Variants in PPP4R3B observed in about 807,000 individuals in gnomAD.
PPP4R3B encodes serine/threonine-protein phosphatase 4 regulatory subunit 3B.
PPP4R3B carries 52 observed loss-of-function variants against 95.4 expected under a neutral mutation model. The ratio of observed to expected loss-of-function variants is 0.54; its 90% confidence interval spans 0.44 to 0.69. PPP4R3B has a LOEUF of 0.69. Ranked by LOEUF, PPP4R3B falls within the 30% of genes least tolerant of loss-of-function variation. The pLI, the probability that PPP4R3B is intolerant of heterozygous loss-of-function variation, is 0.00. For synonymous variants in PPP4R3B, 407 were observed against 343.9 expected (o/e 1.18, Z -2.03); for missense variants, 1,003 against 1,005.9 (o/e 1.00, Z 0.04).
At chr2:55,597,565 T>C (rs948040232) in intron 4 of PPP4R3B, among the ~76,000 whole-genome samples, 2 of 151,960 alleles carry the variant, frequency 1.3e-5, no homozygotes, top group Non-Finnish European at 2.9e-5. Flanking sequence ...GAGCTTGCAG[T>C]GAGCCAAGAT....
intron 2 of PPP4R3B, chr2:55,614,514 T>C (rs2103920896): frequency 6.6e-6 from 1 of 152,294 alleles, no homozygotes; most frequent in South Asian, 2.1e-4. Context: ...TGACATCCAC[T>C]GTGTAAAGTT....
At chr2:55,550,165 C>T (rs1052752215) in intron 16 of PPP4R3B, among the ~76,000 whole-genome samples, 159 bp from the exon 17 acceptor site, 4 of 152,154 alleles carry the variant, frequency 2.6e-5, no homozygotes, top group Non-Finnish European at 5.9e-5. Context: ...AAATTATGAA[C>T]GTTTGAGTAG....
At chr2:55,554,064 C>A (rs984476587) in intron 16 of PPP4R3B, among the ~76,000 whole-genome samples, 4 of 152,084 alleles carry the variant, frequency 2.6e-5, no homozygotes, top group Admixed American at 2.0e-4. Flanking sequence ...GCTGCTACAC[C>A]ATTTTATTTT....
intron 11 of PPP4R3B, 71 bp from the exon 12 acceptor site, chr2:55,573,848 T>C (rs2104084221): frequency 3.8e-6 from 3 of 786,778 alleles, no homozygotes; most frequent in Non-Finnish European, 5.6e-6. Flanking sequence ...AAAGCTTACA[T>C]CCTATATGTT....
At position 55,588,906 on chromosome 2, in the gene PPP4R3B, A is replaced by G; in HGVS notation, c.972T>C (p.Ala324=). The G allele has an allele frequency of 6.2e-7, 1 of 1,610,918 alleles. No homozygotes were observed. The highest frequency in any genetic ancestry group is 2.2e-5 in the East Asian group (1 of 44,762). ...SEVFAQLTDE[A]TDDDKRRELV... ...ATTCACGCCGTTTATCATCATCTGTAGCCTCATCTGTTAATTGTGCAAAAA... is the reference window on the plus strand; with the variant it reads ...ATTCACGCCGTTTATCATCATCTGTGGCCTCATCTGTTAATTGTGCAAAAA... The change falls in exon 5 of 17, where the codon GCT becomes GCC. Residue 324 remains alanine, a synonymous_variant. Coordinates refer to ENST00000616407, the MANE Select transcript of PPP4R3B (RefSeq NM_001122964.3).
chr2:55,573,525 C>A, intron 12 of PPP4R3B, 94 bp downstream of exon 12: 3 of 1,139,830 alleles, frequency 2.6e-6, no homozygotes, highest in Non-Finnish European at 3.7e-6. Context: ...TCATCTCATT[C>A]ATAGAATATA....
At chr2:55,599,110 A>C (rs1692206986) in intron 3 of PPP4R3B, 71 bp from the exon 4 acceptor site, 1 of 1,348,914 alleles carries the variant, frequency 7.4e-7, no homozygotes, top group Non-Finnish European at 1.0e-6. Flanking sequence ...AAATCAAATC[A>C]TTTGGAAATG....
At chr2:55,595,025 AC>A (rs1428865340) in intron 4 of PPP4R3B, among the ~76,000 whole-genome samples, 1 of 149,604 alleles carries the variant, frequency 6.7e-6, no homozygotes, top group African/African-American at 2.5e-5. Context: ...ACCCTTTTAA[AC>A]TTTTTTTTTT....
intron 2 of PPP4R3B, among the ~76,000 whole-genome samples, chr2:55,608,981 C>T (rs1168150281): frequency 2.6e-5 from 4 of 152,076 alleles, no homozygotes; most frequent in African/African-American, 9.7e-5. Context: ...TCAAAACCAC[C>T]GCCCTGCCTC....
At chr2:55,579,465 G>C (rs997683674) in intron 9 of PPP4R3B, among the ~76,000 whole-genome samples, 1 of 151,586 alleles carries the variant, frequency 6.6e-6, no homozygotes, top group Admixed American at 6.6e-5. Flanking sequence ...ACAAACTATA[G>C]AAATGGCCCC....
rs1684943952 is a variant in PPP4R3B at position 55,548,661 on chromosome 2, A to G, written c.*1250T>C. On this transcript the variant is annotated 3_prime_UTR_variant, in exon 17 of 17. Transcript: ENST00000616407. ...CGTAACACATTACAAGGGTGATCTA[A>G]AGATTGTGGCTGGAATTACTGTTAA... The G allele has an allele frequency of 6.6e-6, 1 of 152,634 alleles. No individual in the cohort carries two copies. The highest frequency in any genetic ancestry group is 1.5e-5 in the Non-Finnish European group (1 of 68,036). 9.5% of individuals were successfully genotyped at this position (152,634 alleles called of 1,614,324 possible). A position where few individuals can be genotyped will look rare whatever the true frequency, so the allele number is the denominator to read the frequency against.
rs766988142 is a variant in PPP4R3B at position 55,598,774 on chromosome 2, G to A, written c.563C>T (p.Thr188Ile). Residue 188 changes from threonine (T) to isoleucine (I), a missense_variant, in exon 4 of 17, where the codon ACT becomes ATT. Physicochemically the swap from Thr to Ile is moderately conservative, Grantham distance 89. Transcript: ENST00000616407. ...TTCATACAAATGGTGTAAGCCTTCA[G>A]TGTTTTCTAGGTTCTCGCAAGCTTG... ...LFQACENLEN[T>I]EGLHHLYEII... The A allele has an allele frequency of 6.2e-6, 10 of 1,614,216 alleles. No homozygotes were observed. The highest frequency in any genetic ancestry group is 1.7e-5 in the Admixed American group (1 of 60,030).
At chr2:55,611,214 C>G (rs7565426) in intron 2 of PPP4R3B, among the ~76,000 whole-genome samples, 2 of 151,966 alleles carry the variant, frequency 1.3e-5, no homozygotes, top group Non-Finnish European at 2.9e-5. Context: ...GCAATGGCTA[C>G]GCACAGGCAC....
At chr2:55,607,925 G>A (rs1481265592) in intron 2 of PPP4R3B, among the ~76,000 whole-genome samples, 1 of 152,170 alleles carries the variant, frequency 6.6e-6, no homozygotes, top group East Asian at 1.9e-4. Context: ...GTTTGGTCCA[G>A]GTAAACATTG....
chr2:55,584,392 G>C (rs1201691163), intron 7 of PPP4R3B, among the ~76,000 whole-genome samples: 2 of 151,944 alleles, frequency 1.3e-5, no homozygotes, highest in Non-Finnish European at 2.9e-5. Context: ...GTGGTGTTTG[G>C]TTACATGAGT....
Position 55,579,687 on chromosome 2 carries a change from C to T in PPP4R3B, c.1460G>A (p.Cys487Tyr), listed in dbSNP as rs758664817. The T allele has an allele frequency of 3.1e-6, 5 of 1,588,570 alleles. 1 individual carries two copies. In the South Asian group the frequency reaches 3.5e-5, roughly 11 times the overall value. Residue 487 changes from cysteine to tyrosine, a missense_variant, in exon 9 of 17, where the codon TGT becomes TAT. Cys to Tyr is a radical substitution (Grantham distance 194). This residue lies in a region of PPP4R3B where 695 missense variants were observed against 686.2 expected (regional missense o/e 1.01). Coordinates refer to ENST00000616407, the MANE Select transcript of PPP4R3B (RefSeq NM_001122964.3). ...AAATAAAGAGACCCTACCCTTTTCA[C>T]ATTTGTCTTCTGAAGTATTGGTCAA... Reference protein sequence around the residue: ...PLLTNTSEDKCEKDFFLKHYR... With the variant: ...PLLTNTSEDKYEKDFFLKHYR...
chr2:55,574,685 C>T (rs1449540232), intron 11 of PPP4R3B, among the ~76,000 whole-genome samples: 1 of 151,570 alleles, frequency 6.6e-6, no homozygotes, highest in African/African-American at 2.4e-5. Context: ...GCTCCATCTC[C>T]TGGGTTCACG....
chr2:55,576,506 G>A (rs1207977390), intron 11 of PPP4R3B, among the ~76,000 whole-genome samples: 2 of 152,024 alleles, frequency 1.3e-5, no homozygotes, highest in Non-Finnish European at 2.9e-5. Context: ...ACTTTGGGAG[G>A]CCGAGGCGGG....
chr2:55,576,304 T>G (rs1385052244), intron 11 of PPP4R3B, among the ~76,000 whole-genome samples: 2 of 152,014 alleles, frequency 1.3e-5, no homozygotes, highest in Non-Finnish European at 2.9e-5. Flanking sequence ...GCCGAAATTG[T>G]GCCACTGCAC....
Sources: allele counts gnomAD v4.1 joint callset (sites outside exome capture counted in the v4.1 genomes callset), GRCh38; gene constraint gnomAD v4.1.1; regional missense constraint gnomAD v4.1.1; transcripts MANE v1.5; gene names NCBI Gene and HGNC (gene_info 2026-07-23, HGNC 2026-07-21).